The following CADPS variants were observed in gnomAD, a reference collection of about 807,000 sequenced individuals.
CADPS encodes the protein calcium dependent secretion activator, also known as calcium-dependent secretion activator 1.
CADPS carries 57 observed loss-of-function variants against 167.3 expected under a neutral mutation model. The ratio of observed to expected loss-of-function variants is 0.34; its 90% CI spans 0.28 to 0.42. CADPS has a LOEUF of 0.42. CADPS is among the 20% of genes least tolerant of loss of function. The pLI is 1.00. For missense variants in CADPS, 1,414 were observed against 1,738.1 expected (o/e 0.81, Z 3.32); for synonymous variants, 676 against 635.3 (o/e 1.06, Z -0.96).
intron 9 of CADPS, among the ~76,000 whole-genome samples, chr3:62,564,543 A>G (rs1017818587): frequency 4.6e-5 from 7 of 152,174 alleles, no homozygotes; most frequent in African/African-American, 1.7e-4. Context: ...CAGTGCTAAA[A>G]TGGGGAGAAA....
chr3:62,643,460 A>C (rs2067863468), intron 6 of CADPS, among the ~76,000 whole-genome samples: 1 of 152,216 alleles, frequency 6.6e-6, no homozygotes, highest in Non-Finnish European at 1.5e-5. Flanking sequence ...TTTCAATGTG[A>C]GCTGTTTCTG....
chr3:62,472,125 TG>T (rs1289632156), intron 24 of CADPS, among the ~76,000 whole-genome samples: 1 of 152,224 alleles, frequency 6.6e-6, no homozygotes, highest in Non-Finnish European at 1.5e-5. Flanking sequence ...TGTATGATTT[TG>T]TTTATATGAA....
intron 11 of CADPS, among the ~76,000 whole-genome samples, chr3:62,539,512 G>A (rs938391203): frequency 6.7e-6 from 1 of 150,036 alleles, no homozygotes. Flanking sequence ...TATTTACTGA[G>A]CTTATTATGT....
At chr3:62,509,310 AAG>A (rs771442749) in intron 17 of CADPS, among the ~76,000 whole-genome samples, 11,602 of 133,300 alleles carry the variant, frequency 0.087, 858 homozygotes, top group African/African-American at 0.18. Context: ...AAAAAAAAGA[AAG>A]AAAGAAAGAA....
At chr3:62,739,182 C>A (rs559001477) in intron 3 of CADPS, among the ~76,000 whole-genome samples, 18 of 152,276 alleles carry the variant, frequency 1.2e-4, no homozygotes, top group Middle Eastern at 3.4e-3. Flanking sequence ...TGTACTTTCA[C>A]ACTTTTACTT....
intron 17 of CADPS, 146 bp from the exon 18 acceptor site, chr3:62,499,414 T>A (rs2065343798): frequency 1.8e-6 from 1 of 565,120 alleles, no homozygotes; most frequent in East Asian, 3.0e-5. Flanking sequence ...TAATTAGTAG[T>A]GAGCAAACCA....
chr3:62,837,695 A>G (rs2076089500), intron 1 of CADPS, among the ~76,000 whole-genome samples: 1 of 152,242 alleles, frequency 6.6e-6, no homozygotes, highest in African/African-American at 2.4e-5. Context: ...AGAAGGTCAC[A>G]GCACATCCTA....
chr3:62,428,814 A>G (rs1575883213), intron 28 of CADPS, among the ~76,000 whole-genome samples: 3 of 152,152 alleles, frequency 2.0e-5, no homozygotes, highest in South Asian at 2.1e-4. Flanking sequence ...AAATTTGGCC[A>G]TATCTGGAGA....
intron 1 of CADPS, among the ~76,000 whole-genome samples, chr3:62,816,069 T>G (rs1397725410): frequency 6.6e-6 from 1 of 152,132 alleles, no homozygotes; most frequent in Non-Finnish European, 1.5e-5. Context: ...ATGCATATAT[T>G]TTAGTAAAGC....
intron 1 of CADPS, among the ~76,000 whole-genome samples, chr3:62,863,371 A>C (rs555410802): frequency 6.6e-6 from 1 of 152,324 alleles, no homozygotes; most frequent in African/African-American, 2.4e-5. Flanking sequence ...AGGTTGTTAT[A>C]AAGATTAAAT....
chr3:62,718,325 T>C (rs2075080844), intron 3 of CADPS, among the ~76,000 whole-genome samples: 2 of 152,314 alleles, frequency 1.3e-5, no homozygotes, highest in South Asian at 2.1e-4. Context: ...AATCTACTCA[T>C]GTAAATGTTT....
intron 28 of CADPS, among the ~76,000 whole-genome samples, chr3:62,408,267 T>A (rs1174750593): frequency 1.3e-5 from 2 of 152,216 alleles, no homozygotes; most frequent in Non-Finnish European, 2.9e-5. Flanking sequence ...AAGTGCAGGA[T>A]CAGATCTTGT....
intron 17 of CADPS, 61 bp from the exon 18 acceptor site, chr3:62,499,329 T>G: frequency 1.5e-5 from 14 of 948,016 alleles, no homozygotes; most frequent in South Asian, 2.6e-5. Flanking sequence ...TTATGGCCAT[T>G]AGAACTAGTG....
chr3:62,723,708 T>C (rs2076224692), intron 3 of CADPS, among the ~76,000 whole-genome samples: 2 of 152,328 alleles, frequency 1.3e-5, no homozygotes, highest in South Asian at 2.1e-4. Context: ...GCTCAGGAGA[T>C]GAAGTGGAAC....
At chr3:62,607,111 G>A (rs1234748514) in intron 6 of CADPS, among the ~76,000 whole-genome samples, 1 of 152,188 alleles carries the variant, frequency 6.6e-6, no homozygotes, top group African/African-American at 2.4e-5. Flanking sequence ...TGGTCTGTCT[G>A]CAGTCCTTAG....
chr3:62,484,379 G>A (rs2062495394), intron 21 of CADPS, among the ~76,000 whole-genome samples: 1 of 152,086 alleles, frequency 6.6e-6, no homozygotes, highest in Admixed American at 6.5e-5. Context: ...GTTCCAATCA[G>A]GCTCCTGGAA....
Position 62,544,841 on chromosome 3 carries a change from C to A in CADPS, c.1966+5062G>T. 2 of 1,243,046 alleles carry A rather than the reference C, an allele frequency of 1.6e-6. No individual in the cohort carries two copies. Among genetic ancestry groups the A allele is most frequent in the Non-Finnish European group, 1.0e-6 (1 of 966,998 alleles). 77.0% of individuals were successfully genotyped at this position (1,243,046 alleles called of 1,614,324 possible). On this transcript the variant is annotated intron_variant, in intron 11 of 29. Transcript: ENST00000383710. The surrounding 1 kb of genome is among the most constrained non-coding windows in gnomAD (Gnocchi z 4.4). ...CTGAGCTGTGCTAGCTATAGGGGAGCACTTACCCTTCAGTCCAGCTAGAAG... is the reference window on the plus strand; with the variant it reads ...CTGAGCTGTGCTAGCTATAGGGGAGAACTTACCCTTCAGTCCAGCTAGAAG...
At chr3:62,708,607 G>A (rs1353592104) in intron 3 of CADPS, among the ~76,000 whole-genome samples, 2 of 151,984 alleles carry the variant, frequency 1.3e-5, no homozygotes, top group African/African-American at 2.4e-5. Context: ...TCTGTGGAGA[G>A]GGTAAAACAC....
At chr3:62,671,478 A>G (rs961396201) in intron 3 of CADPS, among the ~76,000 whole-genome samples, 1 of 151,994 alleles carries the variant, frequency 6.6e-6, no homozygotes, top group Non-Finnish European at 1.5e-5. Flanking sequence ...AATACAGGGG[A>G]CTAGGCCTGG....
Sources: allele counts gnomAD v4.1 joint callset (sites outside exome capture counted in the v4.1 genomes callset), GRCh38; gene constraint gnomAD v4.1.1; non-coding constraint Gnocchi (gnomAD v3.1); transcripts MANE v1.5; gene names NCBI Gene and HGNC (gene_info 2026-07-23, HGNC 2026-07-21).